RASGEF1A: variants seen among roughly 807,000 people sequenced by gnomAD.
RASGEF1A encodes ras-GEF domain-containing family member 1A.
In RASGEF1A, 18 loss-of-function variants were observed where a neutral mutation model predicts 56.4. The ratio of observed to expected loss-of-function variants is 0.32; its 90% CI spans 0.22 to 0.47. The LOEUF is 0.47. Among genes scored for constraint, RASGEF1A ranks in the 20% least tolerant of loss-of-function variants. The probability of loss-of-function intolerance (pLI) is 1.00; values close to 1 mark genes in which losing one functional copy is unlikely to be tolerated. For missense variants in RASGEF1A, 422 were observed against 627.1 expected (o/e 0.67, Z 3.49); for synonymous variants, 245 against 242.6 (o/e 1.01, Z -0.09).
chr10:43,228,856 C>T (rs913386082), intron 1 of RASGEF1A, among the ~76,000 whole-genome samples: 1 of 152,216 alleles, frequency 6.6e-6, no homozygotes, highest in Non-Finnish European at 1.5e-5. Flanking sequence ...AGCAGGGGCC[C>T]GATAAATGCA....
At chr10:43,226,563 C>T (rs1197772477) in intron 1 of RASGEF1A, among the ~76,000 whole-genome samples, 2 of 152,126 alleles carry the variant, frequency 1.3e-5, no homozygotes, top group Non-Finnish European at 2.9e-5. Context: ...CAGGAGCCCC[C>T]ACGCCTCGTG....
chr10:43,258,212 C>T lies in RASGEF1A; in HGVS notation c.-7+8633G>A, dbSNP rs563510842. Among the ~76,000 whole-genome samples, 5 of 152,334 alleles carry T rather than the reference C, an allele frequency of 3.3e-5. No homozygotes were observed. In the South Asian group the frequency reaches 8.3e-4, roughly 25 times the overall value. ...ATTGAAAGATAGGGAGGCGCAGTTT[C>T]GTTTAACTCAATTTTGCAGCCTCCA... On this transcript the variant is annotated intron_variant, in intron 1 of 12. Transcript: ENST00000395810.
chr10:43,234,355 C>CA (rs1268238152), intron 1 of RASGEF1A, among the ~76,000 whole-genome samples: 1 of 152,170 alleles, frequency 6.6e-6, no homozygotes, highest in Non-Finnish European at 1.5e-5. Flanking sequence ...CTCATCCCCC[C>CA]AAGAACAAAG....
At chr10:43,260,700 T>C (rs1836512274) in intron 1 of RASGEF1A, among the ~76,000 whole-genome samples, 1 of 151,682 alleles carries the variant, frequency 6.6e-6, no homozygotes, top group South Asian at 2.1e-4. Context: ...GGAAGGCACC[T>C]GGGTGTGGAC....
In RASGEF1A at chr10:43,196,941, G is replaced by A; in HGVS notation, c.1348+35C>T. 1 of 1,608,882 alleles carries A rather than the reference G, an allele frequency of 6.2e-7. No homozygotes were observed. ...GGGCCTGGACAAGGAGTCAGGTGGG[G>A]TGGGAGGCATGCTGCGTTGGGAGGC... On this transcript the variant is annotated intron_variant, in intron 11 of 12. Coordinates refer to ENST00000395810, the MANE Select transcript of RASGEF1A (RefSeq NM_145313.4). This position sits in a 1 kb window ranked among gnomAD's most constrained non-coding sequence, Gnocchi z 4.6.
intron 2 of RASGEF1A, among the ~76,000 whole-genome samples, chr10:43,205,015 C>T (rs1839972704): frequency 6.6e-6 from 1 of 152,188 alleles, no homozygotes; most frequent in South Asian, 2.1e-4. Flanking sequence ...GAGTGGGCAA[C>T]AGAAAGGCAA....
rs1214122902 is a variant in RASGEF1A, at chr10:43,196,598, C to G, written c.1349-50G>C. The stretch of plus-strand genomic sequence containing the variant: ...AGCCTGTGTCCCCATGCAGTGTCTG[C>G]CTGAACCCAGCTGTCCCTTCAGGAG... On this transcript the variant is annotated intron_variant, in intron 11 of 12. Transcript: ENST00000395810. The surrounding 1 kb of genome is among the most constrained non-coding windows in gnomAD (Gnocchi z 4.6). 6.5e-7 allele frequency: 1 copy of G among 1,540,396 alleles called. No homozygotes were observed. Among genetic ancestry groups the G allele is most frequent in the South Asian group, 1.1e-5 (1 of 89,742 alleles).
chr10:43,254,560 G>A (rs755834526), intron 1 of RASGEF1A, among the ~76,000 whole-genome samples: 22 of 152,290 alleles, frequency 1.4e-4, no homozygotes, highest in Non-Finnish European at 2.8e-4. Context: ...TGCAGGGCCC[G>A]GAACTGACAC....
At chr10:43,217,260 G>A (rs868270829) in intron 1 of RASGEF1A, among the ~76,000 whole-genome samples, 1 of 152,186 alleles carries the variant, frequency 6.6e-6, no homozygotes, top group African/African-American at 2.4e-5. Flanking sequence ...GAGAGGAGGA[G>A]TGCCTGCCCC....
At chr10:43,212,133 C>A (rs1339871552) in intron 1 of RASGEF1A, among the ~76,000 whole-genome samples, 3 of 152,136 alleles carry the variant, frequency 2.0e-5, no homozygotes, top group Admixed American at 6.5e-5. Flanking sequence ...CAGGTTAACA[C>A]CCTGTAGGAA....
rs191754340 is a variant in RASGEF1A, at chr10:43,198,759, A to G, written c.1032+174T>C. 2.8e-3 allele frequency among the ~76,000 whole-genome samples: 426 copies of G among 152,296 alleles called. 2 individuals are homozygous for G. Among genetic ancestry groups the G allele is most frequent in the Non-Finnish European group, 5.3e-3 (362 of 68,022 alleles). The stretch of plus-strand genomic sequence containing the variant: ...GGTCTGCCTGAAGTAACCGAGGACA[A>G]CTTAAGTCCCCACTGCTGGAGGACG... On this transcript the variant is annotated intron_variant, in intron 9 of 12. Transcript: ENST00000395810.
intron 1 of RASGEF1A, among the ~76,000 whole-genome samples, chr10:43,265,578 C>T (rs1422404583): frequency 2.6e-5 from 4 of 152,270 alleles, no homozygotes; most frequent in Non-Finnish European, 5.9e-5. Context: ...ATCTCCCCTT[C>T]CTGGGCTGGG....
chr10:43,205,656 G>A (rs1312312398), intron 2 of RASGEF1A, among the ~76,000 whole-genome samples: 1 of 152,122 alleles, frequency 6.6e-6, no homozygotes, highest in African/African-American at 2.4e-5. Context: ...TCTGCTTCCC[G>A]TGTCCCTAGG....
chr10:43,203,672 C>T, intron 2 of RASGEF1A: 1 of 1,212,652 alleles, frequency 8.2e-7, no homozygotes, highest in South Asian at 1.9e-5. Flanking sequence ...TAGCAGTCTT[C>T]CTCCGCTGGG....
chr10:43,200,437 C>G (rs1216944283), intron 5 of RASGEF1A, among the ~76,000 whole-genome samples, 181 bp from the exon 6 acceptor site: 1 of 152,236 alleles, frequency 6.6e-6, no homozygotes, highest in African/African-American at 2.4e-5. Flanking sequence ...ACTGCTCCAG[C>G]TCCTCCCACT....
intron 1 of RASGEF1A, among the ~76,000 whole-genome samples, chr10:43,260,882 T>C (rs1395948578): frequency 6.6e-6 from 1 of 152,276 alleles, no homozygotes; most frequent in Non-Finnish European, 1.5e-5. Flanking sequence ...TTTCTAAATA[T>C]ACAACTCTTT....
At chr10:43,252,432 A>T (rs1160397760) in intron 1 of RASGEF1A, among the ~76,000 whole-genome samples, 3 of 151,824 alleles carry the variant, frequency 2.0e-5, no homozygotes, top group Admixed American at 2.0e-4. Context: ...GGGGTGGGCT[A>T]CGGGGCTGCG....
rs540807592 is a variant in RASGEF1A at position 43,199,894 on chromosome 10, G to A, written c.757-126C>T. On this transcript the variant is annotated intron_variant, in intron 6 of 12. Transcript: ENST00000395810. Reference sequence around the variant, plus strand: ...CCGCAGCAGCCTCAATCATGCCTGCGTGCTCCTTGCTGCCCAGTGCAGGGC... The same window carrying A: ...CCGCAGCAGCCTCAATCATGCCTGCATGCTCCTTGCTGCCCAGTGCAGGGC... 132 of 841,230 alleles carry A rather than the reference G, an allele frequency of 1.6e-4. 3 individuals are homozygous for A. In the South Asian group the frequency reaches 1.7e-3, roughly 11 times the overall value. The allele number at this position is 841,230 out of a possible 1,614,324, so 52.1% of individuals were successfully genotyped here.
rs1165588413 is a variant in RASGEF1A, at chr10:43,205,903, G to A, written c.198+16C>T. 6.3e-7 allele frequency: 1 copy of A among 1,599,754 alleles called. No individual in the cohort carries two copies. The highest frequency in any genetic ancestry group is 8.6e-7 in the Non-Finnish European group (1 of 1,168,220). On this transcript the variant is annotated intron_variant, in intron 2 of 12. Coordinates refer to ENST00000395810, the MANE Select transcript of RASGEF1A (RefSeq NM_145313.4). ...TCACCCCATTAGTCTCACTCCACAA[G>A]GCCCCACGTACTCACATCGGGGTAA...
Sources: allele counts gnomAD v4.1 joint callset (sites outside exome capture counted in the v4.1 genomes callset), GRCh38; gene constraint gnomAD v4.1.1; non-coding constraint Gnocchi (gnomAD v3.1); transcripts MANE v1.5; gene names NCBI Gene and HGNC (gene_info 2026-07-23, HGNC 2026-07-21).